The following DGKB variants were observed in gnomAD, a reference collection of about 807,000 sequenced individuals.
DGKB encodes 90 kDa diacylglycerol kinase.
Under a neutral mutation model 114.3 loss-of-function variants are expected in DGKB, and 67 were observed. The observed-to-expected ratio is 0.59, with a 90% CI of 0.48 to 0.72. DGKB has a LOEUF of 0.72. Among genes scored for constraint, DGKB ranks in the 30% least tolerant of loss-of-function variants. DGKB has a pLI of 0.00. For missense variants in DGKB, 907 were observed against 975.2 expected, an observed-to-expected ratio of 0.93 and a Z score of 0.93; for synonymous variants, 398 against 323.1, an observed-to-expected ratio of 1.23 and a Z score of -2.49.
Position 14,211,309 on chromosome 7 carries a change from T to TTTTGTGATTTTACTCTCATGC in DGKB, c.2123-33159_2123-33158insGCATGAGAGTAAAATCACAAA, listed in dbSNP as rs1472626647. On this transcript the variant is annotated intron_variant, in intron 23 of 25. Transcript: ENST00000402815. ...CTACTATGTGATATTTACTCTCATG[T>TTTTGTGATTTTACTCTCATGC]TTTGTGATATTTACTCTCATGTTTT... Among the ~76,000 whole-genome samples, 6 of 106,866 alleles carry TTTTGTGATTTTACTCTCATGC rather than the reference T, an allele frequency of 5.6e-5. No individual in the cohort carries two copies. In the Admixed American group the frequency reaches 5.8e-4, roughly 10 times the overall value. 70.1% of individuals were successfully genotyped at this position (106,866 alleles called of 152,430 possible).
chr7:14,371,198 C>A (rs533204104), intron 21 of DGKB, among the ~76,000 whole-genome samples: 5 of 152,172 alleles, frequency 3.3e-5, no homozygotes, highest in East Asian at 1.9e-4. Context: ...AATGAGATTG[C>A]TGGGTTGAAT....
chr7:14,876,375 G>A (rs561159386), intron 1 of DGKB, among the ~76,000 whole-genome samples: 5 of 152,322 alleles, frequency 3.3e-5, no homozygotes, highest in African/African-American at 9.6e-5. Context: ...GCACAGAGCC[G>A]TAACAAGGCC....
chr7:14,626,705 T>C (rs1160658646), intron 14 of DGKB, among the ~76,000 whole-genome samples: 2 of 152,186 alleles, frequency 1.3e-5, no homozygotes, highest in Non-Finnish European at 2.9e-5. Flanking sequence ...TCTAAATCTA[T>C]TAGTAATCTT....
intron 23 of DGKB, chr7:14,209,030 A>G: frequency 6.1e-6 from 1 of 163,372 alleles, no homozygotes; most frequent in South Asian, 1.6e-4. Context: ...ATATCGACAT[A>G]CTTGCATACA....
At chr7:14,962,881 G>A (rs530128497) in intron 1 of DGKB, among the ~76,000 whole-genome samples, 2 of 152,090 alleles carry the variant, frequency 1.3e-5, no homozygotes, top group Non-Finnish European at 2.9e-5. Flanking sequence ...ACAAAAATGA[G>A]CTTAGGCAAG....
chr7:14,800,813 C>G (rs1439147254), intron 2 of DGKB, among the ~76,000 whole-genome samples: 1 of 152,088 alleles, frequency 6.6e-6, no homozygotes, highest in East Asian at 1.9e-4. Flanking sequence ...TTACCATGGC[C>G]CGTCAATGGA....
chr7:14,843,315 CTTTTTTTTTTTTTT>C (rs761304991), intron 1 of DGKB, among the ~76,000 whole-genome samples: 2 of 77,232 alleles, frequency 2.6e-5, no homozygotes, highest in Non-Finnish European at 4.5e-5. Context: ...ATTTTAATAA[CTTTTTTTTTTTTTT>C]TTTTTTTTTT....
At chr7:14,585,945 CTGTCTCTCTTTG>C (rs1334007914) in intron 17 of DGKB, among the ~76,000 whole-genome samples, 1 of 152,126 alleles carries the variant, frequency 6.6e-6, no homozygotes, top group East Asian at 1.9e-4. Context: ...AGCGGTTCTC[CTGTCTCTCTTTG>C]TGTCCTCAGG....
At chr7:14,676,633 C>G (rs1324576463) in intron 12 of DGKB, among the ~76,000 whole-genome samples, 3 of 151,986 alleles carry the variant, frequency 2.0e-5, no homozygotes, top group Non-Finnish European at 4.4e-5. Context: ...TTAAACTTAT[C>G]ATCATATTTC....
At chr7:14,887,425 A>T (rs1780475430) in intron 1 of DGKB, among the ~76,000 whole-genome samples, 1 of 151,746 alleles carries the variant, frequency 6.6e-6, no homozygotes, top group Non-Finnish European at 1.5e-5. Context: ...TTGCAAAAAA[A>T]TTGGTTTACT....
chr7:14,201,969 A>T (rs1785963784), intron 23 of DGKB, among the ~76,000 whole-genome samples: 1 of 151,978 alleles, frequency 6.6e-6, no homozygotes, highest in South Asian at 2.1e-4. Flanking sequence ...GGCTCCAATA[A>T]AGGGTAGACT....
At chr7:14,775,075 C>A (rs904031249) in intron 2 of DGKB, among the ~76,000 whole-genome samples, 2 of 151,964 alleles carry the variant, frequency 1.3e-5, no homozygotes, top group Non-Finnish European at 2.9e-5. Context: ...GCAGTGATAT[C>A]CTTCTAGAAT....
At chr7:14,487,814 T>C (rs1563302049) in intron 20 of DGKB, among the ~76,000 whole-genome samples, 1 of 151,676 alleles carries the variant, frequency 6.6e-6, no homozygotes, top group African/African-American at 2.4e-5. Context: ...GGTCAAGCTA[T>C]GTTGTCCAGG....
intron 23 of DGKB, among the ~76,000 whole-genome samples, chr7:14,311,009 T>G (rs1805301720): frequency 6.6e-6 from 1 of 151,956 alleles, no homozygotes; most frequent in South Asian, 2.1e-4. Context: ...GCGCCTGCAG[T>G]TCCAGCTACT....
chr7:14,375,014 A>G (rs1395543130), intron 21 of DGKB, among the ~76,000 whole-genome samples: 1 of 152,174 alleles, frequency 6.6e-6, no homozygotes, highest in Non-Finnish European at 1.5e-5. Flanking sequence ...TTTATCCCTG[A>G]ATGAGTTTCC....
chr7:14,399,400 C>A (rs954625434), intron 21 of DGKB, among the ~76,000 whole-genome samples: 2 of 151,462 alleles, frequency 1.3e-5, no homozygotes, highest in Non-Finnish European at 3.0e-5. Context: ...GCCCTAAAAC[C>A]TAAATATTAG....
chr7:14,903,875 G>T (rs1233124395), upstream of DGKB, among the ~76,000 whole-genome samples: 1 of 152,066 alleles, frequency 6.6e-6, no homozygotes, highest in Admixed American at 6.6e-5. Flanking sequence ...TATACACGGG[G>T]TATCTTGACA....
intron 20 of DGKB, among the ~76,000 whole-genome samples, chr7:14,510,969 C>A (rs563986923): frequency 6.6e-6 from 1 of 152,250 alleles, no homozygotes; most frequent in Non-Finnish European, 1.5e-5. Context: ...ATTCAGTAAA[C>A]AATGCTGTAA....
At chr7:14,943,380 A>G (rs1785682248) in intron 1 of DGKB, among the ~76,000 whole-genome samples, 1 of 151,942 alleles carries the variant, frequency 6.6e-6, no homozygotes, top group Non-Finnish European at 1.5e-5. Flanking sequence ...AATAAAACAA[A>G]CGAAGTGTAC....
Sources: allele counts gnomAD v4.1 joint callset (sites outside exome capture counted in the v4.1 genomes callset), GRCh38; gene constraint gnomAD v4.1.1; transcripts MANE v1.5; gene names NCBI Gene and HGNC (gene_info 2026-07-23, HGNC 2026-07-21).